BEND5: variants seen among roughly 807,000 people sequenced by gnomAD.
BEND5 encodes the protein BEN domain-containing protein 5.
A neutral mutation model predicts 43.9 loss-of-function variants in BEND5; 22 were observed. That is an observed-to-expected ratio of 0.50 (90% CI 0.36 to 0.72). The LOEUF is 0.72. BEND5 is among the 30% of genes least tolerant of loss of function. BEND5 has a pLI of 0.00. For synonymous variants in BEND5, 228 were observed against 225.9 expected (o/e 1.01, Z -0.08); for missense variants, 428 against 550.6 (o/e 0.78, Z 2.23).
At chr1:48,756,224 T>C (rs1414300011) in intron 3 of BEND5, among the ~76,000 whole-genome samples, 1 of 152,218 alleles carries the variant, frequency 6.6e-6, no homozygotes, top group African/African-American at 2.4e-5. Flanking sequence ...GATTCCTGTT[T>C]GGGTAACAAA....
chr1:48,760,739 C>T (rs1042784967), intron 2 of BEND5, among the ~76,000 whole-genome samples: 9 of 152,164 alleles, frequency 5.9e-5, no homozygotes, highest in African/African-American at 1.9e-4. Flanking sequence ...ACTTCCTTAT[C>T]GTCCTTCTCC....
At chr1:48,775,766 C>T (rs1557982076) in intron 1 of BEND5, among the ~76,000 whole-genome samples, 1 of 152,238 alleles carries the variant, frequency 6.6e-6, no homozygotes, top group Non-Finnish European at 1.5e-5. Context: ...CCTCAGTACC[C>T]TCATCTACGA....
intron 1 of BEND5, among the ~76,000 whole-genome samples, chr1:48,774,783 G>C (rs1644995933): frequency 6.6e-6 from 1 of 152,170 alleles, no homozygotes; most frequent in African/African-American, 2.4e-5. Context: ...AGTGCCTGAA[G>C]AGTCAAGCAC....
At chr1:48,738,370 G>C (rs987981296) in intron 4 of BEND5, among the ~76,000 whole-genome samples, 1 of 152,184 alleles carries the variant, frequency 6.6e-6, no homozygotes, top group Non-Finnish European at 1.5e-5. Flanking sequence ...CTGTTCATCC[G>C]CTCAGGAAAG....
At chr1:48,764,117 T>A (rs1445923545) in intron 1 of BEND5, among the ~76,000 whole-genome samples, 1 of 152,100 alleles carries the variant, frequency 6.6e-6, no homozygotes, top group Non-Finnish European at 1.5e-5. Context: ...GAACCCAAGA[T>A]CTCAAATGCT....
chr1:48,775,427 G>A (rs1484294472), intron 1 of BEND5, among the ~76,000 whole-genome samples: 1 of 151,964 alleles, frequency 6.6e-6, no homozygotes, highest in Non-Finnish European at 1.5e-5. Flanking sequence ...GGAAGCAAAG[G>A]AACTTGAAAA....
intron 3 of BEND5, among the ~76,000 whole-genome samples, chr1:48,745,082 T>C (rs1650530124): frequency 6.6e-6 from 1 of 152,216 alleles, no homozygotes; most frequent in Non-Finnish European, 1.5e-5. Context: ...ACTATAAAGC[T>C]CTTCAAGAGC....
At chr1:48,750,809 C>A (rs1651607511) in intron 3 of BEND5, among the ~76,000 whole-genome samples, 1 of 152,178 alleles carries the variant, frequency 6.6e-6, no homozygotes, top group Non-Finnish European at 1.5e-5. Context: ...AGGGAGACAG[C>A]AGAAAGCTTC....
Position 48,739,109 on chromosome 1 carries a change from T to G in BEND5, c.895-2657A>C, listed in dbSNP as rs140249426. 1.9e-3 allele frequency among the ~76,000 whole-genome samples: 296 copies of G among 152,330 alleles called. 2 individuals carry two copies. The highest frequency in any genetic ancestry group is 0.01 in the Middle Eastern group (3 of 294). On this transcript the variant is annotated intron_variant, in intron 4 of 5. Transcript: ENST00000371833. ...ACATCAATGTTCAGTTAGTTTTCCT[T>G]TTGAGTTTCCTCTGTATCTGCCTGG...
chr1:48,738,170 T>C (rs893698414), intron 4 of BEND5, among the ~76,000 whole-genome samples: 2 of 152,172 alleles, frequency 1.3e-5, no homozygotes, highest in Admixed American at 6.5e-5. Context: ...CCTTTACCAA[T>C]TACTGAAATT....
chr1:48,728,406 T>A (rs866889454), intron 5 of BEND5, among the ~76,000 whole-genome samples: 2 of 152,056 alleles, frequency 1.3e-5, no homozygotes, highest in Middle Eastern at 3.4e-3. Flanking sequence ...AACACATGTA[T>A]GTATCCTTAA....
At chr1:48,761,658 C>A (rs1004299867) in intron 1 of BEND5, among the ~76,000 whole-genome samples, 188 bp from the exon 2 acceptor site, 8 of 152,150 alleles carry the variant, frequency 5.3e-5, no homozygotes, top group Non-Finnish European at 1.0e-4. Flanking sequence ...GATCTAGGAA[C>A]AAGGGTGTTT....
At chr1:48,734,830 A>G (rs1252327464) in intron 5 of BEND5, among the ~76,000 whole-genome samples, 1 of 152,208 alleles carries the variant, frequency 6.6e-6, no homozygotes, top group African/African-American at 2.4e-5. Flanking sequence ...TTGTTCCTGG[A>G]CATATTTGTT....
In BEND5 at chr1:48,727,805, G is replaced by A; in HGVS notation, c.*81C>T. The A allele has an allele frequency of 7.4e-7, 1 of 1,343,818 alleles. No individual in the cohort carries two copies. Among genetic ancestry groups the A allele is most frequent in the Non-Finnish European group, 1.0e-6 (1 of 956,862 alleles). The allele number at this position is 1,343,818 out of a possible 1,614,324, so 83.2% of individuals were successfully genotyped here. On this transcript the variant is annotated 3_prime_UTR_variant, in exon 6 of 6. Transcript: ENST00000371833. ...GCACACACACCACCATGCACGGTGG[G>A]GTCTGATTTGGACGGCACCATCGCT...
chr1:48,738,191 C>T (rs1348931177), intron 4 of BEND5, among the ~76,000 whole-genome samples: 2 of 152,096 alleles, frequency 1.3e-5, no homozygotes, highest in Non-Finnish European at 2.9e-5. Flanking sequence ...TTCCAACCAT[C>T]AAGAAGAAAA....
chr1:48,740,390 T>C (rs138118929), intron 4 of BEND5, among the ~76,000 whole-genome samples: 20 of 152,242 alleles, frequency 1.3e-4, no homozygotes, highest in African/African-American at 4.1e-4. Flanking sequence ...TCTCTGGATA[T>C]GTTTCCCTAC....
intron 3 of BEND5, among the ~76,000 whole-genome samples, chr1:48,755,319 T>G (rs984504242): frequency 6.6e-6 from 1 of 152,200 alleles, no homozygotes; most frequent in African/African-American, 2.4e-5. Context: ...GAGTAAATAA[T>G]GATTCTTCCA....
intron 1 of BEND5, among the ~76,000 whole-genome samples, chr1:48,775,314 A>T (rs1645023946): frequency 6.6e-6 from 1 of 152,176 alleles, no homozygotes; most frequent in Admixed American, 6.5e-5. Flanking sequence ...CCGATTTTTC[A>T]GAGGCAACAT....
At chr1:48,733,984 A>G (rs1648593946) in intron 5 of BEND5, among the ~76,000 whole-genome samples, 2 of 152,156 alleles carry the variant, frequency 1.3e-5, no homozygotes, top group African/African-American at 4.8e-5. Flanking sequence ...ATCTGAAGGC[A>G]CCCAGGACCT....
Sources: gnomAD v4.1 joint callset for allele counts (sites outside exome capture counted in the v4.1 genomes callset) on GRCh38, gnomAD v4.1.1 for gene constraint, MANE v1.5 for transcripts, NCBI Gene and HGNC (gene_info 2026-07-23, HGNC 2026-07-21) for gene names.